The following AGPAT4 variants were observed in gnomAD, a reference collection of about 807,000 sequenced individuals.
AGPAT4 encodes 1-acylglycerol-3-phosphate O-acyltransferase 4.
In AGPAT4, 15 loss-of-function variants were observed where a neutral mutation model predicts 48.0. The observed-to-expected ratio is 0.31, with a 90% CI of 0.21 to 0.48. The LOEUF (loss-of-function observed/expected upper bound fraction) is 0.48. AGPAT4 is among the 20% of genes least tolerant of loss of function. The pLI, the probability that AGPAT4 is intolerant of heterozygous loss-of-function variation, is 0.99. For synonymous variants in AGPAT4, 178 were observed against 198.7 expected, an observed-to-expected ratio of 0.90 and a Z score of 0.88; for missense variants, 314 against 482.5, an observed-to-expected ratio of 0.65 and a Z score of 3.27.
Position 161,214,913 on chromosome 6 carries a change from T to C in AGPAT4, c.178+17123A>G, listed in dbSNP as rs1247056021. Among the ~76,000 whole-genome samples, 1 of 152,206 alleles carries C rather than the reference T, an allele frequency of 6.6e-6. No individual in the cohort carries two copies. On this transcript the variant is annotated intron_variant, in intron 2 of 8. Transcript: ENST00000320285. This position sits in a 1 kb window ranked among gnomAD's most constrained non-coding sequence, Gnocchi z 5.4. The stretch of plus-strand genomic sequence containing the variant: ...GGCACGTGACTATATTTCAAAACTA[T>C]CTACGTTGACCTCCAAACCTGTTCT...
At chr6:161,252,766 C>A (rs145187548) in intron 1 of AGPAT4, among the ~76,000 whole-genome samples, 4 of 151,988 alleles carry the variant, frequency 2.6e-5, no homozygotes, top group Middle Eastern at 3.4e-3. Context: ...GCCAAGATCA[C>A]GCCACTGCAT....
intron 2 of AGPAT4, among the ~76,000 whole-genome samples, chr6:161,205,729 T>A (rs1781361261): frequency 1.2e-5 from 1 of 82,346 alleles, no homozygotes; most frequent in South Asian, 3.8e-4. Context: ...ACAGAAAGGT[T>A]GAAATTACAA....
chr6:161,166,211 A>T lies in AGPAT4; in HGVS notation c.348+37T>A. 2.5e-6 allele frequency: 4 copies of T among 1,606,370 alleles called. No homozygotes were observed. Among genetic ancestry groups the T allele is most frequent in the Non-Finnish European group, 3.4e-6 (4 of 1,175,634 alleles). On this transcript the variant is annotated intron_variant, in intron 3 of 8. Transcript: ENST00000320285. The surrounding 1 kb of genome is among the most constrained non-coding windows in gnomAD (Gnocchi z 6.7). ...ACAAGTGGTGGGGCTGAACCAGAGA[A>T]ATGTGTGAGGCAGGGGGGAATGCAC...
In AGPAT4 at chr6:161,232,295, G is replaced by A; in HGVS notation, c.-82C>T. 7.3e-7 allele frequency: 1 copy of A among 1,375,408 alleles called. No individual in the cohort carries two copies. The highest frequency in any genetic ancestry group is 9.9e-7 in the Non-Finnish European group (1 of 1,014,480). 85.2% of individuals were successfully genotyped at this position (1,375,408 alleles called of 1,614,324 possible). A position where few individuals can be genotyped will look rare whatever the true frequency, so the allele number is the denominator to read the frequency against. On this transcript the variant is annotated 5_prime_UTR_variant, in exon 2 of 9. Transcript: ENST00000320285. The surrounding 1 kb of genome is among the most constrained non-coding windows in gnomAD (Gnocchi z 6.8). ...GAAGGAAGAAAGATCCAGGACTCAG[G>A]AAGGCGTCTAAAACACAAACAAATA... is the stretch of plus-strand genomic sequence containing the variant.
rs896264354 is a variant in AGPAT4, at chr6:161,217,284, T to C, written c.178+14752A>G. On this transcript the variant is annotated intron_variant, in intron 2 of 8. Coordinates refer to ENST00000320285, the MANE Select transcript of AGPAT4 (RefSeq NM_020133.3). This position sits in a 1 kb window ranked among gnomAD's most constrained non-coding sequence, Gnocchi z 4.9. ...TGGGTCAGAACTGGGCTCCCATCAATGCCTGGTACATGGTAACAGAAGGTG... is the reference window on the plus strand; with the variant it reads ...TGGGTCAGAACTGGGCTCCCATCAACGCCTGGTACATGGTAACAGAAGGTG... Among the ~76,000 whole-genome samples, 1 of 152,184 alleles carries C rather than the reference T, an allele frequency of 6.6e-6. No individual in the cohort carries two copies. Among genetic ancestry groups the C allele is most frequent in the African/African-American group, 2.4e-5 (1 of 41,450 alleles).
chr6:161,129,975 A>G lies in AGPAT4; in HGVS notation c.*6565T>C, dbSNP rs1778849353. On this transcript the variant is annotated 3_prime_UTR_variant, in exon 9 of 9. Transcript: ENST00000320285. This position sits in a 1 kb window ranked among gnomAD's most constrained non-coding sequence, Gnocchi z 4.4. The stretch of plus-strand genomic sequence containing the variant: ...CAGTGTAGAGACGTGCATTTTTCCA[A>G]GTTAAAGTTTCAGTCAGTTTTATTA... The G allele has an allele frequency of 6.6e-6, 1 of 152,194 alleles. No individual in the cohort carries two copies. The highest frequency in any genetic ancestry group is 1.5e-5 in the Non-Finnish European group (1 of 68,056). The allele number at this position is 152,194 out of a possible 1,614,324, so 9.4% of individuals were successfully genotyped here.
intron 2 of AGPAT4, among the ~76,000 whole-genome samples, chr6:161,170,470 C>T (rs766986614): frequency 9.0e-4 from 58 of 64,206 alleles, no homozygotes; most frequent in South Asian, 5.7e-3. Context: ...CACGTGCGCG[C>T]GCGCACACAC....
chr6:161,260,355 C>A (rs902486804), intron 1 of AGPAT4, among the ~76,000 whole-genome samples: 1 of 152,006 alleles, frequency 6.6e-6, no homozygotes, highest in Non-Finnish European at 1.5e-5. Context: ...GAATGTGCAG[C>A]GTGGTTTGAA....
chr6:161,269,342 T>A (rs143622933), intron 1 of AGPAT4, among the ~76,000 whole-genome samples: 1 of 152,222 alleles, frequency 6.6e-6, no homozygotes, highest in Non-Finnish European at 1.5e-5. Context: ...ACAAAAAATA[T>A]ATAAAATGGA....
At position 161,208,762 on chromosome 6, in the gene AGPAT4, C is replaced by G. The variant is rs1013133230; in HGVS notation, c.178+23274G>C. Among the ~76,000 whole-genome samples, 3 of 152,044 alleles carry G rather than the reference C, an allele frequency of 2.0e-5. No homozygotes were observed. The highest frequency in any genetic ancestry group is 4.4e-5 in the Non-Finnish European group (3 of 68,026). ...ATTTATTTAAATAAAAAATTATTTC[C>G]CAAGTATTTACATAAGGCACAATAA... is the stretch of plus-strand genomic sequence containing the variant. On this transcript the variant is annotated intron_variant, in intron 2 of 8. Coordinates refer to ENST00000320285, the MANE Select transcript of AGPAT4 (RefSeq NM_020133.3). This position sits in a 1 kb window ranked among gnomAD's most constrained non-coding sequence, Gnocchi z 4.6.
intron 2 of AGPAT4, among the ~76,000 whole-genome samples, chr6:161,182,793 G>C (rs1354866098): frequency 6.6e-6 from 1 of 152,230 alleles, no homozygotes. Context: ...CTAAAACCCA[G>C]GAGAGGGACA....
rs750633411 is a variant in AGPAT4, at chr6:161,141,689, A to AGTCT, written c.844-2073_844-2070dup. Among the ~76,000 whole-genome samples, 14 of 152,086 alleles carry AGTCT rather than the reference A, an allele frequency of 9.2e-5. No individual in the cohort carries two copies. Among genetic ancestry groups the AGTCT allele is most frequent in the Non-Finnish European group, 1.3e-4 (9 of 68,008 alleles). On this transcript the variant is annotated intron_variant, in intron 7 of 8. Coordinates refer to ENST00000320285, the MANE Select transcript of AGPAT4 (RefSeq NM_020133.3). The surrounding 1 kb of genome is among the most constrained non-coding windows in gnomAD (Gnocchi z 6.7). ...GGCTTTTGAATTTATTTTCCTTAAC[A>AGTCT]GTCTTTATAGTGCTTTTTTACAGTA...
At chr6:161,192,760 G>C (rs1175063705) in intron 2 of AGPAT4, among the ~76,000 whole-genome samples, 2 of 152,092 alleles carry the variant, frequency 1.3e-5, no homozygotes, top group African/African-American at 4.8e-5. Context: ...CATTATTCTT[G>C]GAAGTTATTT....
Position 161,208,543 on chromosome 6 carries a change from T to C in AGPAT4, c.178+23493A>G, listed in dbSNP as rs1177095632. Among the ~76,000 whole-genome samples, 1 of 152,046 alleles carries C rather than the reference T, an allele frequency of 6.6e-6. No homozygotes were observed. The highest frequency in any genetic ancestry group is 1.5e-5 in the Non-Finnish European group (1 of 68,014). ...ACCCAATAACGCATATGATAACCAC[T>C]GTCTCCTTAGGTCAAATTTGAATTC... On this transcript the variant is annotated intron_variant, in intron 2 of 8. Transcript: ENST00000320285. This position sits in a 1 kb window ranked among gnomAD's most constrained non-coding sequence, Gnocchi z 4.6.
rs1582926253 is a variant in AGPAT4 at position 161,270,878 on chromosome 6, A to T, written c.-90+3060T>A. ...GCACAAAACGTGTGACATTTACCAA[A>T]CCCTCATTTGAGCATCCAATAATTT... On this transcript the variant is annotated intron_variant, in intron 1 of 8. Transcript: ENST00000320285. The surrounding 1 kb of genome is among the most constrained non-coding windows in gnomAD (Gnocchi z 5.3). 6.6e-6 allele frequency among the ~76,000 whole-genome samples: 1 copy of T among 152,126 alleles called. No individual in the cohort carries two copies. Among genetic ancestry groups the T allele is most frequent in the Non-Finnish European group, 1.5e-5 (1 of 68,030 alleles).
intron 2 of AGPAT4, among the ~76,000 whole-genome samples, chr6:161,205,560 A>C (rs1215406695): frequency 3.3e-5 from 5 of 152,178 alleles, no homozygotes; most frequent in Non-Finnish European, 5.9e-5. Flanking sequence ...GTTTCTACTC[A>C]GGATGTCACC....
intron 1 of AGPAT4, among the ~76,000 whole-genome samples, chr6:161,253,116 G>A (rs1354441439): frequency 6.6e-6 from 1 of 150,868 alleles, no homozygotes; most frequent in African/African-American, 2.4e-5. Context: ...AGGAGGCTGA[G>A]GCAGGAGAAT....
In AGPAT4 at chr6:161,135,640, G is replaced by A. The variant is rs1348075699; in HGVS notation, c.*900C>T. 5 of 152,228 alleles carry A rather than the reference G, an allele frequency of 3.3e-5. No individual in the cohort carries two copies. Among genetic ancestry groups the A allele is most frequent in the African/African-American group, 1.2e-4 (5 of 41,442 alleles). The allele number at this position is 152,228 out of a possible 1,614,324, so 9.4% of individuals were successfully genotyped here. On this transcript the variant is annotated 3_prime_UTR_variant, in exon 9 of 9. Transcript: ENST00000320285. ...TATAAAGTGAAACTGCATTTTATCAGGGGTGACTTTGGCTGTCACTGCTGA... is the reference window on the plus strand; with the variant it reads ...TATAAAGTGAAACTGCATTTTATCAAGGGTGACTTTGGCTGTCACTGCTGA...
At chr6:161,153,531 C>A (rs769600902) in intron 4 of AGPAT4, 32 bp from the exon 5 acceptor site, 38 of 1,609,520 alleles carry the variant, frequency 2.4e-5, no homozygotes, top group Non-Finnish European at 3.1e-5. Flanking sequence ...TCGCACGCAG[C>A]CTCGGGGTCA....
Sources: gnomAD v4.1 joint callset for allele counts (sites outside exome capture counted in the v4.1 genomes callset) on GRCh38, gnomAD v4.1.1 for gene constraint, Gnocchi (gnomAD v3.1) non-coding constraint, MANE v1.5 for transcripts, NCBI Gene and HGNC (gene_info 2026-07-23, HGNC 2026-07-21) for gene names.